OTOG: variants seen among roughly 807,000 people sequenced by gnomAD.
OTOG encodes the protein otogelin.
In OTOG, 296 loss-of-function variants were observed where a neutral mutation model predicts 313.8. That is an observed-to-expected ratio of 0.94 (90% confidence interval 0.86 to 1.04). The LOEUF (loss-of-function observed/expected upper bound fraction) is 1.04. Among genes scored for constraint, OTOG ranks in the 50% least tolerant of loss-of-function variants. The pLI is 0.00. For synonymous variants in OTOG, 1,533 were observed against 1,554.9 expected, an observed-to-expected ratio of 0.99 and a Z score of 0.33; for missense variants, 3,948 against 3,840.1, an observed-to-expected ratio of 1.03 and a Z score of -0.74.
chr11:17,572,627 G>A (rs1852429568), intron 18 of OTOG, among the ~76,000 whole-genome samples: 2 of 152,212 alleles, frequency 1.3e-5, no homozygotes, highest in Admixed American at 6.5e-5. Context: ...TGCCTGGAAT[G>A]CTGTTTCTGC....
intron 30 of OTOG, among the ~76,000 whole-genome samples, chr11:17,598,648 A>T (rs1403482652): frequency 6.6e-6 from 1 of 152,242 alleles, no homozygotes. Context: ...TTGGTCCAGT[A>T]TGCACAGCTG....
rs1403507532 is a variant in OTOG, at chr11:17,640,833, A to C, written c.8011+13A>C. ...AAGTACGAGTGTGGTGAGTGGGGGA[A>C]GCCTCGGGGCAGAGCCATGCAGGAG... On this transcript the variant is annotated intron_variant, in intron 50 of 55. Transcript: ENST00000399397. 3.2e-6 allele frequency: 5 copies of C among 1,550,262 alleles called. No individual in the cohort carries two copies. The South Asian group carries it at 5.9e-5, about 18-fold the overall frequency.
At chr11:17,640,869 G>T in intron 50 of OTOG, 44 bp from the exon 51 acceptor site, 1 of 1,549,656 alleles carries the variant, frequency 6.5e-7, no homozygotes, top group Non-Finnish European at 8.7e-7. Flanking sequence ...GGGCATGGGT[G>T]CCTGGGCTCT....
chr11:17,623,685 A>G (rs111804004), intron 39 of OTOG, among the ~76,000 whole-genome samples: 6,311 of 152,232 alleles, frequency 0.041, 217 homozygotes, highest in Non-Finnish European at 0.059. Context: ...GCTGGGTCAA[A>G]TGGTAGTTGT....
intron 18 of OTOG, 87 bp from the exon 19 acceptor site, chr11:17,572,991 G>A: frequency 8.0e-7 from 1 of 1,247,412 alleles, no homozygotes; most frequent in Admixed American, 2.2e-5. Flanking sequence ...ACACACCCCT[G>A]AGCCATGGGG....
intron 1 of OTOG, 92 bp downstream of exon 1, chr11:17,547,558 G>T: frequency 7.9e-7 from 1 of 1,273,068 alleles, no homozygotes; most frequent in Non-Finnish European, 9.9e-7. Flanking sequence ...TTGGAGAGAG[G>T]GAGGAAAGAG....
intron 36 of OTOG, among the ~76,000 whole-genome samples, chr11:17,611,677 T>G (rs534235338): frequency 6.6e-6 from 1 of 152,298 alleles, no homozygotes; most frequent in East Asian, 1.9e-4. Context: ...AGTGTGTGCC[T>G]GTGTGAGACT....
chr11:17,570,513 G>A (rs2134023059), intron 17 of OTOG, 123 bp downstream of exon 17: 2 of 890,866 alleles, frequency 2.2e-6, no homozygotes, highest in Non-Finnish European at 3.3e-6. Flanking sequence ...TGCACCATTA[G>A]TTATTGATTT....
chr11:17,597,222 G>C lies in OTOG; in HGVS notation c.3682+215G>C, dbSNP rs547171453. 5.7e-4 allele frequency among the ~76,000 whole-genome samples: 87 copies of C among 152,334 alleles called. No homozygotes were observed. The South Asian group carries it at 0.017, about 29-fold the overall frequency. ...TACAGTTGAAGAAACAGCCTAGAGA[G>C]AGAGATCAAGTAACATGCTCAAGGT... On this transcript the variant is annotated intron_variant, in intron 30 of 55. Coordinates refer to ENST00000399397, the MANE Select transcript of OTOG (RefSeq NM_001292063.2).
chr11:17,591,465 C>T lies in OTOG; in HGVS notation c.2883C>T (p.Gly961=), dbSNP rs893483749. ...TGTTTTTCAGTGTGTGCCAGCGGGG[C>T]TCATTCCAGTGCACCCTGCACCCTT... ...SPCHTCVCQR[G]SFQCTLHPCA... The change falls in exon 25 of 56, where the codon GGC becomes GGT. Residue 961 remains glycine, a synonymous_variant. Coordinates refer to ENST00000399397, the MANE Select transcript of OTOG (RefSeq NM_001292063.2). 1 of 1,550,738 alleles carries T rather than the reference C, an allele frequency of 6.4e-7. No individual in the cohort carries two copies. The highest frequency in any genetic ancestry group is 2.0e-5 in the Admixed American group (1 of 51,012).
At chr11:17,590,712 C>A (rs1014191988) in intron 24 of OTOG, among the ~76,000 whole-genome samples, 1 of 152,202 alleles carries the variant, frequency 6.6e-6, no homozygotes, top group African/African-American at 2.4e-5. Context: ...CCGTCCGTCG[C>A]CCCTCTGAAT....
In OTOG at chr11:17,570,367, T is replaced by G; in HGVS notation, c.1932T>G (p.Asn644Lys). 1 of 1,550,396 alleles carries G rather than the reference T, an allele frequency of 6.4e-7. No individual in the cohort carries two copies. Among genetic ancestry groups the G allele is most frequent in the Non-Finnish European group, 8.7e-7 (1 of 1,146,926 alleles). Reference sequence around the variant, plus strand: ...CCGTGGGCCTCTGCGGCACCTTCAATGGCAACACGCAGGATGACTTCCTGT... The same window carrying G: ...CCGTGGGCCTCTGCGGCACCTTCAAGGGCAACACGCAGGATGACTTCCTGT... ...EDTVGLCGTF[N>K]GNTQDDFLSP... The change falls in exon 17 of 56, where the codon AAT becomes AAG. Residue 644 changes from asparagine to lysine, a missense_variant. Physicochemically the swap from Asn to Lys is moderately conservative, Grantham distance 94. Coordinates refer to ENST00000399397, the MANE Select transcript of OTOG (RefSeq NM_001292063.2).
chr11:17,610,558 C>T lies in OTOG; in HGVS notation c.5258C>T (p.Ala1753Val). The T allele has an allele frequency of 1.3e-6, 2 of 1,550,612 alleles. No homozygotes were observed. The highest frequency in any genetic ancestry group is 1.2e-5 in the South Asian group (1 of 84,032). Residue 1753 changes from alanine (A) to valine (V), a missense_variant, in exon 36 of 56, where the codon GCC becomes GTC. Coordinates refer to ENST00000399397, the MANE Select transcript of OTOG (RefSeq NM_001292063.2). ...CTCCCCTCTGCACCACCCCGCCCAG[C>T]CCAGCATACCACCATGGCCACCAGG... The part of the protein sequence containing the change: ...HPLPSAPPRP[A>V]QHTTMATRSP...
At chr11:17,598,384 G>A (rs1406109984) in intron 30 of OTOG, among the ~76,000 whole-genome samples, 1 of 152,106 alleles carries the variant, frequency 6.6e-6, no homozygotes, top group East Asian at 1.9e-4. Flanking sequence ...GACTGTTAAT[G>A]ATCTTGTCTT....
At chr11:17,577,414 G>A (rs1852556913) in intron 22 of OTOG, among the ~76,000 whole-genome samples, 2 of 152,116 alleles carry the variant, frequency 1.3e-5, no homozygotes, top group South Asian at 2.1e-4. Flanking sequence ...GCTGTGAGGT[G>A]GAGTAGGGCC....
intron 1 of OTOG, 28 bp downstream of exon 1, chr11:17,547,494 C>G: frequency 2.3e-6 from 3 of 1,324,884 alleles, no homozygotes. Flanking sequence ...TCAGGGAGGT[C>G]GGGGGCTCGA....
At position 17,629,200 on chromosome 11, in the gene OTOG, G is replaced by T. The variant is rs554404500; in HGVS notation, c.6596G>T (p.Gly2199Val). The change falls in exon 40 of 56, where the codon GGC becomes GTC. Residue 2199 changes from glycine to valine, a missense_variant. Coordinates refer to ENST00000399397, the MANE Select transcript of OTOG (RefSeq NM_001292063.2). Reference protein sequence around the residue: ...SRYGFRIEDTGHMYMILTPSD... With the variant: ...SRYGFRIEDTVHMYMILTPSD... ...TATGGATTCAGAATTGAGGACACAG[G>T]CCACATGTACATGATCCTGACTCCC... is the stretch of plus-strand genomic sequence containing the variant. The T allele has an allele frequency of 3.9e-6, 6 of 1,550,588 alleles. No individual in the cohort carries two copies. The highest frequency in any genetic ancestry group is 2.0e-5 in the Admixed American group (1 of 51,014).
Position 17,569,219 on chromosome 11 carries a change from G to T in OTOG, c.1708G>T (p.Val570Leu). 1 of 1,550,578 alleles carries T rather than the reference G, an allele frequency of 6.4e-7. No individual in the cohort carries two copies. The highest frequency in any genetic ancestry group is 1.2e-5 in the South Asian group (1 of 84,050). The change falls in exon 16 of 56, where the codon GTG becomes TTG. Residue 570 changes from valine to leucine, a missense_variant. Transcript: ENST00000399397. ...VILHQDPRRQ[V>L]TLTQAGDVLL... The stretch of plus-strand genomic sequence containing the variant: ...TCTGCACCAGGACCCTCGGAGGCAG[G>T]TGACCCTGACCCAGGCAGGGGATGT...
In OTOG at chr11:17,551,620, G is replaced by A. The variant is rs564652375; in HGVS notation, c.217-380G>A. Among the ~76,000 whole-genome samples, 29 of 152,226 alleles carry A rather than the reference G, an allele frequency of 1.9e-4. No homozygotes were observed. In the South Asian group the frequency reaches 4.8e-3, roughly 25 times the overall value. On this transcript the variant is annotated intron_variant, in intron 3 of 55. Transcript: ENST00000399397. ...TGTTCCTTAGCTCTGCCTCATGCTC[G>A]TAATCCAGACAAGGGATTGTGTGTA...
Sources: gnomAD v4.1 joint callset for allele counts (sites outside exome capture counted in the v4.1 genomes callset) on GRCh38, gnomAD v4.1.1 for gene constraint, MANE v1.5 for transcripts, NCBI Gene and HGNC (gene_info 2026-07-23, HGNC 2026-07-21) for gene names.